The following SGCZ variants were observed in gnomAD, a reference collection of about 807,000 sequenced individuals.
The protein encoded by SGCZ is zeta-sarcoglycan.
In SGCZ, 40 loss-of-function variants were observed where a neutral mutation model predicts 41.3. The ratio of observed to expected loss-of-function variants is 0.97; its 90% confidence interval spans 0.75 to 1.26. The LOEUF is 1.26. Among genes scored for constraint, SGCZ ranks in the 50% most tolerant of loss-of-function variants. The probability of loss-of-function intolerance (pLI) is 0.00; values close to 1 mark genes in which losing one functional copy is unlikely to be tolerated. For synonymous variants in SGCZ, 206 were observed against 137.5 expected (o/e 1.50, Z -3.49); for missense variants, 552 against 369.8 (o/e 1.49, Z -4.04).
intron 1 of SGCZ, among the ~76,000 whole-genome samples, chr8:14,875,590 A>T (rs1804326527): frequency 6.6e-6 from 1 of 152,072 alleles, no homozygotes; most frequent in African/African-American, 2.4e-5. Context: ...ATACTAAGAA[A>T]AGCACTGTAC....
chr8:14,509,713 A>G (rs1489833728), intron 2 of SGCZ, among the ~76,000 whole-genome samples: 1 of 152,166 alleles, frequency 6.6e-6, no homozygotes, highest in South Asian at 2.1e-4. Flanking sequence ...GAAATACCTG[A>G]CACAGGGTAA....
intron 1 of SGCZ, among the ~76,000 whole-genome samples, chr8:15,124,835 A>T (rs1236147328): frequency 6.6e-6 from 1 of 152,206 alleles, no homozygotes; most frequent in African/African-American, 2.4e-5. Context: ...TAAGATCTTT[A>T]AAAAATCAGG....
At chr8:14,101,517 G>GTATT (rs1802020000) in intron 7 of SGCZ, among the ~76,000 whole-genome samples, 1 of 152,180 alleles carries the variant, frequency 6.6e-6, no homozygotes, top group Admixed American at 6.5e-5. Context: ...CAATGACAAA[G>GTATT]TATTATTTAA....
intron 3 of SGCZ, among the ~76,000 whole-genome samples, chr8:14,315,967 GA>G (rs200646528): frequency 0.012 from 1,880 of 151,864 alleles, 41 homozygotes; most frequent in African/African-American, 0.038. Context: ...AATTTTGTAC[GA>G]ATACAAAATG....
intron 1 of SGCZ, among the ~76,000 whole-genome samples, chr8:14,603,844 A>G (rs992787637): frequency 6.6e-6 from 1 of 152,126 alleles, no homozygotes; most frequent in African/African-American, 2.4e-5. Context: ...CTCCTCAGAA[A>G]AGCATGCAAT....
intron 1 of SGCZ, among the ~76,000 whole-genome samples, chr8:14,952,450 G>A (rs984626530): frequency 2.0e-5 from 3 of 152,092 alleles, no homozygotes; most frequent in African/African-American, 7.2e-5. Context: ...TGGTAATGCT[G>A]CAGTATTTAC....
chr8:15,223,887 CAG>C (rs557174683), intron 1 of SGCZ, among the ~76,000 whole-genome samples: 1 of 137,066 alleles, frequency 7.3e-6, no homozygotes, highest in Non-Finnish European at 1.5e-5. Flanking sequence ...TTTATTGAGA[CAG>C]AGTCTCACTC....
intron 5 of SGCZ, among the ~76,000 whole-genome samples, chr8:14,144,631 T>C (rs1803467991): frequency 6.6e-6 from 1 of 152,190 alleles, no homozygotes; most frequent in Admixed American, 6.5e-5. Flanking sequence ...GTCTTGTATC[T>C]TAAGTATCAG....
intron 2 of SGCZ, among the ~76,000 whole-genome samples, chr8:14,461,770 AT>A (rs1800908453): frequency 6.6e-6 from 1 of 152,136 alleles, no homozygotes; most frequent in Non-Finnish European, 1.5e-5. Flanking sequence ...CATTATAAAA[AT>A]ATTTATGATT....
intron 3 of SGCZ, among the ~76,000 whole-genome samples, chr8:14,290,034 G>A (rs1333718984): frequency 1.3e-5 from 2 of 151,922 alleles, no homozygotes; most frequent in Non-Finnish European, 2.9e-5. Flanking sequence ...AGAACAGCAT[G>A]GAGGAAGCTG....
At chr8:14,248,645 A>T (rs1247337092) in intron 3 of SGCZ, among the ~76,000 whole-genome samples, 1 of 152,174 alleles carries the variant, frequency 6.6e-6, no homozygotes, top group Admixed American at 6.5e-5. Context: ...TCTAACTAGA[A>T]GGAGGATAAA....
chr8:14,346,561 A>C (rs1034952137), intron 2 of SGCZ, among the ~76,000 whole-genome samples: 1 of 152,086 alleles, frequency 6.6e-6, no homozygotes, highest in African/African-American at 2.4e-5. Flanking sequence ...GAAATATTTT[A>C]AAAGTAGGCA....
At chr8:14,552,466 C>A (rs1273550530) in intron 2 of SGCZ, among the ~76,000 whole-genome samples, 2 of 151,982 alleles carry the variant, frequency 1.3e-5, no homozygotes, top group Non-Finnish European at 2.9e-5. Flanking sequence ...GACAGTTTTC[C>A]TTCTGATTAT....
intron 1 of SGCZ, among the ~76,000 whole-genome samples, chr8:14,575,604 G>C (rs1448939851): frequency 6.6e-6 from 1 of 152,024 alleles, no homozygotes; most frequent in Non-Finnish European, 1.5e-5. Flanking sequence ...GAACAACACA[G>C]AGCAGTTAAA....
At chr8:14,681,133 T>C (rs1421828432) in intron 1 of SGCZ, among the ~76,000 whole-genome samples, 1 of 151,766 alleles carries the variant, frequency 6.6e-6, no homozygotes, top group African/African-American at 2.4e-5. Flanking sequence ...AACTGTAAAT[T>C]AAAGAAAAAA....
At chr8:15,013,789 G>GA (rs1407830440) in intron 1 of SGCZ, among the ~76,000 whole-genome samples, 2 of 152,038 alleles carry the variant, frequency 1.3e-5, no homozygotes, top group African/African-American at 4.8e-5. Context: ...TTATAATTAA[G>GA]AAAAAACACA....
intron 1 of SGCZ, among the ~76,000 whole-genome samples, chr8:14,699,067 T>A (rs1809054882): frequency 6.6e-6 from 1 of 151,738 alleles, no homozygotes; most frequent in Admixed American, 6.6e-5. Flanking sequence ...TCTTTGAGCT[T>A]TAATTTATAC....
At chr8:14,836,948 T>A (rs1265259244) in intron 1 of SGCZ, among the ~76,000 whole-genome samples, 1 of 152,204 alleles carries the variant, frequency 6.6e-6, no homozygotes, top group Non-Finnish European at 1.5e-5. Flanking sequence ...AATTAGAATA[T>A]CATTCTGTAT....
At chr8:14,551,560 TATATATATA>T (rs1803850982) in intron 2 of SGCZ, among the ~76,000 whole-genome samples, 2 of 19,316 alleles carry the variant, frequency 1.0e-4, no homozygotes, top group African/African-American at 3.3e-4. Context: ...TAATATATAT[TATATATATA>T]ATATATATAT....
Sources: allele counts gnomAD v4.1 joint callset (sites outside exome capture counted in the v4.1 genomes callset), GRCh38; gene constraint gnomAD v4.1.1; transcripts MANE v1.5; gene names NCBI Gene and HGNC (gene_info 2026-07-23, HGNC 2026-07-21).